Variants in R3HDM1 observed in about 807,000 individuals in gnomAD.
The protein encoded by R3HDM1 is R3H domain containing 1.
A neutral mutation model predicts 141.1 loss-of-function variants in R3HDM1; 46 were observed. The observed-to-expected ratio is 0.33, with a 90% CI of 0.26 to 0.42. The LOEUF (loss-of-function observed/expected upper bound fraction) is 0.42. Ranked by LOEUF, R3HDM1 falls within the 10% of genes least tolerant of loss-of-function variation. The probability of loss-of-function intolerance (pLI) is 1.00; values close to 1 mark genes in which losing one functional copy is unlikely to be tolerated. For missense variants in R3HDM1, 1,184 were observed against 1,368.3 expected (o/e 0.87, Z 2.12); for synonymous variants, 435 against 472.9 (o/e 0.92, Z 1.04).
At chr2:135,622,466 C>T (rs1276577672) in intron 6 of R3HDM1, 188 bp from the exon 7 acceptor site, 17 of 983,708 alleles carry the variant, frequency 1.7e-5, no homozygotes, top group Non-Finnish European at 2.1e-5. Flanking sequence ...AAACTCATGT[C>T]ATGCACATTA....
intron 1 of R3HDM1, among the ~76,000 whole-genome samples, chr2:135,538,239 C>A (rs1004506291): frequency 2.0e-5 from 3 of 152,056 alleles, no homozygotes; most frequent in Admixed American, 6.5e-5. Flanking sequence ...TAAATAAAGA[C>A]AAGGTATGGT....
chr2:135,668,474 G>A (rs925153583), intron 19 of R3HDM1, among the ~76,000 whole-genome samples: 1 of 152,154 alleles, frequency 6.6e-6, no homozygotes, highest in African/African-American at 2.4e-5. Context: ...CTGTCCTAAT[G>A]CCAGTCGAAT....
intron 5 of R3HDM1, among the ~76,000 whole-genome samples, chr2:135,620,853 A>AAT (rs1409834639): frequency 6.6e-6 from 1 of 152,072 alleles, no homozygotes; most frequent in Non-Finnish European, 1.5e-5. Context: ...AGTCTTACAG[A>AAT]ATGTGGTTAC....
intron 21 of R3HDM1, among the ~76,000 whole-genome samples, chr2:135,684,133 C>T (rs2070871407): frequency 6.6e-6 from 1 of 152,118 alleles, no homozygotes; most frequent in Non-Finnish European, 1.5e-5. Flanking sequence ...CTCTGTCGCC[C>T]AGGCTGGAGT....
chr2:135,686,067 A>T lies in R3HDM1; in HGVS notation c.2459+5743A>T, dbSNP rs191929974. On this transcript the variant is annotated intron_variant, in intron 21 of 26. Transcript: ENST00000683871. Reference sequence around the variant, plus strand: ...AAATGGCAAACAGGCCAGAGAAAGGATGCTTGATATCACTAATCATTAGAG... The same window carrying T: ...AAATGGCAAACAGGCCAGAGAAAGGTTGCTTGATATCACTAATCATTAGAG... Among the ~76,000 whole-genome samples, 8 of 152,354 alleles carry T rather than the reference A, an allele frequency of 5.3e-5. No homozygotes were observed. The East Asian group carries it at 1.5e-3, about 29-fold the overall frequency.
Position 135,651,811 on chromosome 2 carries a change from A to G in R3HDM1, c.1807A>G (p.Met603Val), listed in dbSNP as rs777533862. Residue 603 changes from methionine to valine, a missense_variant, in exon 18 of 27, where the codon ATG becomes GTG. Coordinates refer to ENST00000683871, the MANE Select transcript of R3HDM1 (RefSeq NM_001378107.1). ...TGATGGTTCTGACCCTCATGCCGCCATGTTCCAGTCCACTGTGGTTCTTCA... is the reference window on the plus strand; with the variant it reads ...TGATGGTTCTGACCCTCATGCCGCCGTGTTCCAGTCCACTGTGGTTCTTCA... ...SADGSDPHAA[M>V]FQSTVVLQSP... The G allele has an allele frequency of 9.9e-6, 16 of 1,613,952 alleles. No homozygotes were observed. Among genetic ancestry groups the G allele is most frequent in the African/African-American group, 1.3e-5 (1 of 74,880 alleles).
intron 1 of R3HDM1, among the ~76,000 whole-genome samples, chr2:135,544,517 G>A (rs565651154): frequency 1.3e-5 from 2 of 152,114 alleles, no homozygotes; most frequent in African/African-American, 4.8e-5. Flanking sequence ...AACAAGTAAA[G>A]GAAAGGGAAG....
chr2:135,676,198 G>C (rs1276083536), intron 20 of R3HDM1, among the ~76,000 whole-genome samples: 1 of 152,048 alleles, frequency 6.6e-6, no homozygotes, highest in South Asian at 2.1e-4. Context: ...AGGTGGCGGG[G>C]CCTATAATTC....
chr2:135,543,032 C>G (rs1431571553), intron 1 of R3HDM1: 213 of 938,774 alleles, frequency 2.3e-4, no homozygotes, highest in Non-Finnish European at 2.6e-4. Flanking sequence ...GCCACTGTCC[C>G]TGGTCTAAAT....
chr2:135,680,409 G>C, intron 21 of R3HDM1, 85 bp downstream of exon 21: 1 of 1,425,226 alleles, frequency 7.0e-7, no homozygotes, highest in Non-Finnish European at 9.7e-7. Flanking sequence ...AGTTGACTAA[G>C]GGGCATTACT....
At chr2:135,604,737 A>G (rs1553559044) in intron 2 of R3HDM1, 69 bp from the exon 3 acceptor site, 1 of 1,153,960 alleles carries the variant, frequency 8.7e-7, no homozygotes, top group South Asian at 1.3e-5. Flanking sequence ...CATAACAGAC[A>G]GTAGGTCAGT....
chr2:135,593,413 A>G (rs917580190), intron 1 of R3HDM1, among the ~76,000 whole-genome samples: 9 of 152,186 alleles, frequency 5.9e-5, no homozygotes, highest in African/African-American at 2.2e-4. Context: ...CATTAACTTC[A>G]GGTTTAGAGT....
At chr2:135,666,860 A>C (rs967950469) in intron 19 of R3HDM1, among the ~76,000 whole-genome samples, 21 of 151,536 alleles carry the variant, frequency 1.4e-4, no homozygotes, top group African/African-American at 4.4e-4. Flanking sequence ...AGGTTTTAAC[A>C]ATTTGGTCTT....
intron 1 of R3HDM1, chr2:135,590,778 T>C (rs1709078082): frequency 1.0e-6 from 1 of 960,446 alleles, no homozygotes; most frequent in East Asian, 1.2e-4. Flanking sequence ...CATCCTTTTA[T>C]AGAGTATGAA....
chr2:135,545,355 T>C (rs1475831347), intron 1 of R3HDM1, among the ~76,000 whole-genome samples: 1 of 152,156 alleles, frequency 6.6e-6, no homozygotes, highest in African/African-American at 2.4e-5. Context: ...ATAGAAACTA[T>C]TGCAATGATT....
chr2:135,715,954 T>C (rs1316542305), intron 24 of R3HDM1, among the ~76,000 whole-genome samples: 1 of 152,246 alleles, frequency 6.6e-6, no homozygotes, highest in Non-Finnish European at 1.5e-5. Context: ...ATTCTTAGAA[T>C]CCATTCCTCT....
chr2:135,702,907 T>C (rs2074426521), intron 21 of R3HDM1, among the ~76,000 whole-genome samples: 1 of 152,188 alleles, frequency 6.6e-6, no homozygotes, highest in Non-Finnish European at 1.5e-5. Flanking sequence ...ATACTAAAAC[T>C]GAAATTATTG....
In R3HDM1 at chr2:135,636,091, A is replaced by G. The variant is rs1368052096; in HGVS notation, c.811A>G (p.Arg271Gly). The G allele has an allele frequency of 6.2e-7, 1 of 1,612,972 alleles. No homozygotes were observed. Among genetic ancestry groups the G allele is most frequent in the Non-Finnish European group, 8.5e-7 (1 of 1,179,466 alleles). ...AAAATTATCCTCTTTTCTGTAGATG[A>G]GAATACGTTTGAAAGATGACAGAAG... Reference protein sequence around the residue: ...SSFDKDDNQMRIRLKDDRRSK... With the variant: ...SSFDKDDNQMGIRLKDDRRSK... Residue 271 changes from arginine (R) to glycine (G), a missense_variant, in exon 11 of 27, where the codon AGA becomes GGA. This residue lies in a region of R3HDM1 where 240 missense variants were observed against 312.3 expected (regional missense o/e 0.77). Transcript: ENST00000683871.
intron 24 of R3HDM1, among the ~76,000 whole-genome samples, chr2:135,717,447 G>T (rs971218580): frequency 4.6e-5 from 7 of 151,738 alleles, no homozygotes; most frequent in Non-Finnish European, 1.0e-4. Flanking sequence ...TCGCACCACT[G>T]CACTCCAGCC....
Sources: gnomAD v4.1 joint callset for allele counts (sites outside exome capture counted in the v4.1 genomes callset) on GRCh38, gnomAD v4.1.1 for gene constraint, gnomAD v4.1.1 regional missense constraint, MANE v1.5 for transcripts, NCBI Gene and HGNC (gene_info 2026-07-23, HGNC 2026-07-21) for gene names.